The following ZFHX3 variants were observed in gnomAD, a reference collection of about 807,000 sequenced individuals.
ZFHX3 encodes the protein zinc finger homeobox 3, also known as zinc finger homeobox protein 3.
ZFHX3 carries 42 observed loss-of-function variants against 279.1 expected under a neutral mutation model. That is an observed-to-expected ratio of 0.15 (90% CI 0.12 to 0.19). The LOEUF (loss-of-function observed/expected upper bound fraction) is 0.19, where lower values mean the gene tolerates loss of function less well. Among genes scored for constraint, ZFHX3 ranks in the 10% least tolerant of loss-of-function variants. ZFHX3 has a pLI of 1.00. For synonymous variants in ZFHX3, 2,293 were observed against 1,957.8 expected (o/e 1.17, Z -4.52); for missense variants, 4,981 against 4,754.0 (o/e 1.05, Z -1.40).
chr16:73,230,005 G>C (rs1335864394), intron 5 of ZFHX3, among the ~76,000 whole-genome samples: 1 of 152,166 alleles, frequency 6.6e-6, no homozygotes, highest in Non-Finnish European at 1.5e-5. Context: ...TAGAAAAGCA[G>C]ATAGATGGAT....
At position 73,136,820 on chromosome 16, in the gene ZFHX3, T is replaced by A. The variant is rs1377410488; in HGVS notation, c.-1023-5726A>T. Among the ~76,000 whole-genome samples the A allele has an allele frequency of 2.0e-5, 3 of 146,648 alleles. No homozygotes were observed. The Admixed American group carries it at 2.1e-4, about 10-fold the overall frequency. The stretch of plus-strand genomic sequence containing the variant: ...CAATTCTAGGGGTGCAGGGAAGAAA[T>A]GCTTTCTGCTGGAGATTCTGACAAT... On this transcript the variant is annotated intron_variant, in intron 6 of 17. Coordinates refer to the ZFHX3 transcript ENST00000641206.
At chr16:73,358,169 C>T (rs1030261701) in intron 3 of ZFHX3, among the ~76,000 whole-genome samples, 39 of 152,232 alleles carry the variant, frequency 2.6e-4, no homozygotes, top group African/African-American at 8.7e-4. Flanking sequence ...TGCTAGGCAG[C>T]TCCGGAAATG....
intron 2 of ZFHX3, among the ~76,000 whole-genome samples, chr16:72,954,358 G>T (rs1961145817): frequency 6.6e-6 from 1 of 152,128 alleles, no homozygotes; most frequent in Non-Finnish European, 1.5e-5. Flanking sequence ...CGACAAGAGT[G>T]AAACTCCATC....
intron 2 of ZFHX3, among the ~76,000 whole-genome samples, chr16:73,589,124 G>A (rs1030758346): frequency 6.6e-6 from 1 of 151,430 alleles, no homozygotes; most frequent in Non-Finnish European, 1.5e-5. Flanking sequence ...CCTGGGTGTG[G>A]TGATGCACGC....
At chr16:73,478,578 C>T (rs2018810830) in intron 2 of ZFHX3, among the ~76,000 whole-genome samples, 1 of 152,196 alleles carries the variant, frequency 6.6e-6, no homozygotes, top group Non-Finnish European at 1.5e-5. Context: ...TTTGTTTTCA[C>T]TTAAGCAAAT....
chr16:73,168,515 C>T (rs12324952), intron 5 of ZFHX3, among the ~76,000 whole-genome samples: 20,754 of 152,026 alleles, frequency 0.14, 1,792 homozygotes, highest in Middle Eastern at 0.25. Flanking sequence ...CCCAGCCTCC[C>T]GTAGTGCTGG....
intron 4 of ZFHX3, among the ~76,000 whole-genome samples, chr16:72,857,874 G>T (rs1187764035): frequency 6.6e-6 from 1 of 152,170 alleles, no homozygotes; most frequent in East Asian, 1.9e-4. Context: ...AAGCAAAGTT[G>T]CCTTCCCCAC....
chr16:73,525,398 C>T (rs558067561), intron 2 of ZFHX3, among the ~76,000 whole-genome samples: 1 of 152,308 alleles, frequency 6.6e-6, no homozygotes, highest in Admixed American at 6.5e-5. Flanking sequence ...AAGACCCTCC[C>T]TCTTAATTCT....
rs1023352168 is a variant in ZFHX3 at position 73,337,893 on chromosome 16, G to T, written c.-1290-19557C>A. On this transcript the variant is annotated intron_variant, in intron 3 of 17. Coordinates refer to the ZFHX3 transcript ENST00000641206. ...CAATAAGTCTTCATCTTCCCTTGGC[G>T]GGGGGGGGGGTCCTCATCCCCTTTT... 9.8e-4 allele frequency among the ~76,000 whole-genome samples: 25 copies of T among 25,420 alleles called. 2 individuals carry two copies. The highest frequency in any genetic ancestry group is 1.6e-3 in the African/African-American group (24 of 15,418). 16.7% of individuals were successfully genotyped at this position (25,420 alleles called of 152,430 possible).
intron 1 of ZFHX3, among the ~76,000 whole-genome samples, chr16:73,771,545 C>T (rs561102827): frequency 6.6e-6 from 1 of 152,292 alleles, no homozygotes; most frequent in South Asian, 2.1e-4. Flanking sequence ...TGAGGTCTTA[C>T]CTTCCTCTGA....
At chr16:73,437,265 G>C (rs2143528190) in intron 3 of ZFHX3, among the ~76,000 whole-genome samples, 1 of 152,274 alleles carries the variant, frequency 6.6e-6, no homozygotes, top group East Asian at 1.9e-4. Context: ...CTGGTTCAAG[G>C]TCACACAATT....
chr16:73,808,352 G>C (rs562075750), intron 1 of ZFHX3: 51 of 152,320 alleles, frequency 3.3e-4, no homozygotes, highest in Non-Finnish European at 5.6e-4. Context: ...TGCTACTGTG[G>C]TAAGTATTGC....
At chr16:73,457,776 AAAAATAAAAT>A (rs576060574) in intron 2 of ZFHX3, among the ~76,000 whole-genome samples, 1 of 152,068 alleles carries the variant, frequency 6.6e-6, no homozygotes, top group Non-Finnish European at 1.5e-5. Flanking sequence ...CTCCGTCTCA[AAAAATAAAAT>A]AAAATAAAAT....
intron 3 of ZFHX3, among the ~76,000 whole-genome samples, chr16:73,413,463 A>G (rs1287557173): frequency 6.6e-6 from 1 of 152,212 alleles, no homozygotes; most frequent in Non-Finnish European, 1.5e-5. Flanking sequence ...AAGACATAGC[A>G]GGCCTGCGTG....
chr16:73,808,248 T>C (rs1960337493), intron 1 of ZFHX3, among the ~76,000 whole-genome samples: 1 of 152,200 alleles, frequency 6.6e-6, no homozygotes, highest in African/African-American at 2.4e-5. Flanking sequence ...AAACAACTTC[T>C]TTGTGAGAAT....
chr16:73,522,213 T>G (rs2019619334), intron 2 of ZFHX3, among the ~76,000 whole-genome samples: 1 of 152,202 alleles, frequency 6.6e-6, no homozygotes, highest in Non-Finnish European at 1.5e-5. Flanking sequence ...AATCAGAAAT[T>G]CATTTGAATT....
intron 2 of ZFHX3, among the ~76,000 whole-genome samples, chr16:73,635,285 A>G (rs748303933): frequency 2.0e-5 from 3 of 152,204 alleles, no homozygotes; most frequent in Non-Finnish European, 2.9e-5. Context: ...TATTCTATCA[A>G]ATTACTGCAT....
chr16:73,249,999 A>G (rs967229149), intron 5 of ZFHX3, among the ~76,000 whole-genome samples: 6 of 152,184 alleles, frequency 3.9e-5, no homozygotes, highest in Non-Finnish European at 8.8e-5. Context: ...AACTTCCTAC[A>G]CTGTTGGTGC....
chr16:73,591,317 C>T (rs552681252), intron 2 of ZFHX3, among the ~76,000 whole-genome samples: 1 of 151,642 alleles, frequency 6.6e-6, no homozygotes, highest in Non-Finnish European at 1.5e-5. Context: ...GGCAGCACCG[C>T]ACTCCAGCCT....
Sources: gnomAD v4.1 joint callset for allele counts (sites outside exome capture counted in the v4.1 genomes callset) on GRCh38, gnomAD v4.1.1 for gene constraint, MANE v1.5 for transcripts, NCBI Gene and HGNC (gene_info 2026-07-23, HGNC 2026-07-21) for gene names.